The following TICAM1 variants were observed in gnomAD, a reference collection of about 807,000 sequenced individuals.
TICAM1 encodes the protein TIR domain-containing adapter molecule 1.
For synonymous variants in TICAM1, 439 were observed against 415.4 expected, an observed-to-expected ratio of 1.06 and a Z score of -0.69; for missense variants, 895 against 938.2, an observed-to-expected ratio of 0.95 and a Z score of 0.60.
At position 4,828,293 on chromosome 19, in the gene TICAM1, G is replaced by A. The variant is rs977150658; in HGVS notation, c.-140+3321C>T. ...TCTGTTACCCAGGCTGGAGTGCAGTGGTGTGATCATAGCTCACTGCAGCCT... is the reference window on the plus strand; with the variant it reads ...TCTGTTACCCAGGCTGGAGTGCAGTAGTGTGATCATAGCTCACTGCAGCCT... On this transcript the variant is annotated intron_variant, in intron 1 of 1. Coordinates refer to ENST00000248244, the MANE Select transcript of TICAM1 (RefSeq NM_182919.4). 9.2e-5 allele frequency among the ~76,000 whole-genome samples: 14 copies of A among 151,914 alleles called. No individual in the cohort carries two copies. In the East Asian group the frequency reaches 2.7e-3, roughly 29 times the overall value.
rs1280853552 is a variant in TICAM1 at position 4,817,436 on chromosome 19, G to A, written c.942C>T (p.Leu314=). Residue 314 remains leucine, a synonymous_variant, in exon 2 of 2, where the codon CTC becomes CTT. Transcript: ENST00000248244. The surrounding 1 kb of genome is among the most constrained non-coding windows in gnomAD (Gnocchi z 4.7). ...CTEGSAGPQS[L]PLPILEPVKN... ...TGACCGGCTCCAGAATAGGCAAGGG[G>A]AGAGACTGGGGGCCTGCAGACCCCT... The A allele has an allele frequency of 1.9e-6, 3 of 1,614,110 alleles. No homozygotes were observed. Among genetic ancestry groups the A allele is most frequent in the Non-Finnish European group, 2.5e-6 (3 of 1,180,020 alleles).
rs2093589694 is a variant in TICAM1, at chr19:4,817,773, G to A, written c.605C>T (p.Ser202Phe). 6 of 1,602,458 alleles carry A rather than the reference G, an allele frequency of 3.7e-6. No individual in the cohort carries two copies. Among genetic ancestry groups the A allele is most frequent in the South Asian group, 1.1e-5 (1 of 90,408 alleles). ...GCTGATTTCCAAGTTGCTGGCCAGG[G>A]AGGCAGGGCTGCCAGTGGATCGCAG... ...CSLRSTGSPA[S>F]LASNLEISQS... The change falls in exon 2 of 2, where the codon TCC becomes TTC. Residue 202 changes from serine to phenylalanine, a missense_variant. By Grantham distance (155) the Ser-to-Phe change is radical. Transcript: ENST00000248244. The surrounding 1 kb of genome is among the most constrained non-coding windows in gnomAD (Gnocchi z 4.7).
intron 1 of TICAM1, among the ~76,000 whole-genome samples, chr19:4,827,121 C>T (rs1056297539): frequency 3.3e-5 from 5 of 151,324 alleles, no homozygotes; most frequent in South Asian, 2.1e-4. Context: ...GAGGCCGAGG[C>T]GGGTGGATTG....
rs200697470 is a variant in TICAM1 at position 4,817,678 on chromosome 19, G to A, written c.700C>T (p.Pro234Ser). ...PHGPSKLCDD[P>S]QASLVPEPVP... ...GGCTCGGGCACCAAGCTGGCCTGGG[G>A]GTCGTCACAGAGCTTGCTGGGCCCA... is the stretch of plus-strand genomic sequence containing the variant. The change falls in exon 2 of 2, where the codon CCC becomes TCC. Residue 234 changes from proline (P) to serine (S), a missense_variant. By Grantham distance (74) the Pro-to-Ser change is moderately conservative. Coordinates refer to ENST00000248244, the MANE Select transcript of TICAM1 (RefSeq NM_182919.4). This position sits in a 1 kb window ranked among gnomAD's most constrained non-coding sequence, Gnocchi z 4.7. 6.6e-4 allele frequency: 1,049 copies of A among 1,585,646 alleles called. 1 individual carries two copies. The highest frequency in any genetic ancestry group is 6.2e-4 in the Non-Finnish European group (726 of 1,166,504).
At chr19:4,819,732 G>C (rs140484931) in intron 1 of TICAM1, among the ~76,000 whole-genome samples, 2 of 152,028 alleles carry the variant, frequency 1.3e-5, no homozygotes, top group Admixed American at 6.6e-5. Context: ...AAAATTAGCC[G>C]GGTGTGGTGG....
In TICAM1 at chr19:4,816,809, C is replaced by T. The variant is rs1181322668; in HGVS notation, c.1569G>A (p.Lys523=). 1 of 1,613,050 alleles carries T rather than the reference C, an allele frequency of 6.2e-7. No homozygotes were observed. The highest frequency in any genetic ancestry group is 1.3e-5 in the African/African-American group (1 of 75,056). The change falls in exon 2 of 2, where the codon AAG becomes AAA. Residue 523 remains lysine (K), a synonymous_variant. Coordinates refer to ENST00000248244, the MANE Select transcript of TICAM1 (RefSeq NM_182919.4). This position sits in a 1 kb window ranked among gnomAD's most constrained non-coding sequence, Gnocchi z 4.3. The part of the protein sequence containing the change: ...LDEHSQIFAR[K]VANTFKPHRL... ...TGTGGGGCTTGAAGGTGTTGGCCAC[C>T]TTCCTGGCGAAGATCTGGGAGTGTT...
chr19:4,825,491 G>C (rs148574911), intron 1 of TICAM1, among the ~76,000 whole-genome samples: 1 of 151,768 alleles, frequency 6.6e-6, no homozygotes, highest in Non-Finnish European at 1.5e-5. Flanking sequence ...AAAGTGTTGG[G>C]ATTACAGGCG....
At chr19:4,824,599 T>C (rs1479345992) in intron 1 of TICAM1, among the ~76,000 whole-genome samples, 1 of 147,290 alleles carries the variant, frequency 6.8e-6, no homozygotes. Flanking sequence ...CCTCCCAAAG[T>C]GTTGGGATTA....
chr19:4,827,526 A>T (rs1291860602), intron 1 of TICAM1, among the ~76,000 whole-genome samples: 1 of 151,472 alleles, frequency 6.6e-6, no homozygotes, highest in African/African-American at 2.4e-5. Context: ...TGGGAGGCCG[A>T]GGCGGGCAGA....
intron 1 of TICAM1, among the ~76,000 whole-genome samples, chr19:4,827,560 C>T (rs1024392295): frequency 1.3e-5 from 2 of 151,454 alleles, no homozygotes; most frequent in Admixed American, 1.3e-4. Context: ...AGATCGAGAC[C>T]GTGCTGGCTA....
At position 4,818,544 on chromosome 19, in the gene TICAM1, C is replaced by T; in HGVS notation, c.-139-28G>A. ...GTAGGAAACAGGAGAAGCAAACACA[C>T]TTACCCCCAAGAAAGGTCAGCACGG... On this transcript the variant is annotated intron_variant, in intron 1 of 1. Transcript: ENST00000248244. The surrounding 1 kb of genome is among the most constrained non-coding windows in gnomAD (Gnocchi z 4.0). 1 of 1,374,228 alleles carries T rather than the reference C, an allele frequency of 7.3e-7. No homozygotes were observed. The highest frequency in any genetic ancestry group is 2.7e-5 in the East Asian group (1 of 36,892). 85.1% of individuals were successfully genotyped at this position (1,374,228 alleles called of 1,614,324 possible).
In TICAM1 at chr19:4,817,081, C is replaced by T. The variant is rs763968688; in HGVS notation, c.1297G>A (p.Val433Met). The T allele has an allele frequency of 1.2e-6, 2 of 1,614,178 alleles. No homozygotes were observed. Among genetic ancestry groups the T allele is most frequent in the Non-Finnish European group, 1.7e-6 (2 of 1,180,036 alleles). ...DGATFCEDFQVPGRGELSCLQ... is the reference protein window; with the variant it reads ...DGATFCEDFQMPGRGELSCLQ... ...CAGCTCAGCTCCCCGCGCCCCGGCA[C>T]CTGGAAATCCTCGCAGAAGGTGGCC... Residue 433 changes from valine to methionine, a missense_variant, in exon 2 of 2, where the codon GTG (valine) becomes ATG (methionine). Val to Met is a conservative substitution (Grantham distance 21). Transcript: ENST00000248244. This position sits in a 1 kb window ranked among gnomAD's most constrained non-coding sequence, Gnocchi z 4.7.
At position 4,816,615 on chromosome 19, in the gene TICAM1, T is replaced by C; in HGVS notation, c.1763A>G (p.Gln588Arg). Reference protein sequence around the residue: ...LSYQAQMEQLQVAFGSHMSFG... With the variant: ...LSYQAQMEQLRVAFGSHMSFG... ...TGACATGTGGCTCCCAAAAGCCACC[T>C]GGAGCTGCTCCATCTGTGCCTGGTA... Residue 588 changes from glutamine (Q) to arginine (R), a missense_variant, in exon 2 of 2, where the codon CAG becomes CGG. By Grantham distance (43) the Gln-to-Arg change is conservative. Coordinates refer to ENST00000248244, the MANE Select transcript of TICAM1 (RefSeq NM_182919.4). This position sits in a 1 kb window ranked among gnomAD's most constrained non-coding sequence, Gnocchi z 4.3. 6.2e-7 allele frequency: 1 copy of C among 1,613,990 alleles called. No individual in the cohort carries two copies. The highest frequency in any genetic ancestry group is 8.5e-7 in the Non-Finnish European group (1 of 1,180,008).
chr19:4,824,756 A>C (rs1302152126), intron 1 of TICAM1, among the ~76,000 whole-genome samples: 1 of 151,694 alleles, frequency 6.6e-6, no homozygotes, highest in African/African-American at 2.4e-5. Context: ...AACATGGCGA[A>C]ATCCCGTCTC....
chr19:4,829,815 T>C (rs1487782670), intron 1 of TICAM1, among the ~76,000 whole-genome samples: 1 of 141,830 alleles, frequency 7.1e-6, no homozygotes, highest in Non-Finnish European at 1.5e-5. Context: ...CTTTTTTTTT[T>C]TTTTTTTTTT....
intron 1 of TICAM1, among the ~76,000 whole-genome samples, chr19:4,821,490 C>T (rs571278575): frequency 8.5e-5 from 13 of 152,214 alleles, no homozygotes; most frequent in Non-Finnish European, 1.6e-4. Context: ...GCCTCAGGAC[C>T]TTTGCACTGG....
chr19:4,823,677 G>A (rs11667267), intron 1 of TICAM1, among the ~76,000 whole-genome samples: 104,044 of 151,728 alleles, frequency 0.69, 36,422 homozygotes, highest in African/African-American at 0.84. Context: ...ATACAGACAC[G>A]TAACTGCACA....
chr19:4,818,231 C>T lies in TICAM1; in HGVS notation c.147G>A (p.Leu49=), dbSNP rs2093591246. The T allele has an allele frequency of 2.5e-6, 4 of 1,613,288 alleles. No individual in the cohort carries two copies. The African/African-American group carries it at 4.0e-5, about 16-fold the overall frequency. Residue 49 remains leucine (L), a synonymous_variant, in exon 2 of 2, where the codon CTG becomes CTA. Coordinates refer to ENST00000248244, the MANE Select transcript of TICAM1 (RefSeq NM_182919.4). This position sits in a 1 kb window ranked among gnomAD's most constrained non-coding sequence, Gnocchi z 4.0. ...GQDLLHAMVL[L]KLGQETEARI... is the part of the protein sequence containing the mutation. The stretch of plus-strand genomic sequence containing the variant: ...TGGCCTCAGTTTCCTGGCCCAGCTT[C>T]AGGAGAACCATGGCATGCAGGAGGT...
chr19:4,825,124 C>T (rs549214469), intron 1 of TICAM1, among the ~76,000 whole-genome samples: 2 of 151,184 alleles, frequency 1.3e-5, no homozygotes, highest in African/African-American at 2.4e-5. Flanking sequence ...TACTAAAATA[C>T]AAAAAATTAG....
Sources: allele counts gnomAD v4.1 joint callset (sites outside exome capture counted in the v4.1 genomes callset), GRCh38; gene constraint gnomAD v4.1.1; non-coding constraint Gnocchi (gnomAD v3.1); transcripts MANE v1.5; gene names NCBI Gene and HGNC (gene_info 2026-07-23, HGNC 2026-07-21).